The following ELP4 variants were observed in gnomAD, a reference collection of about 807,000 sequenced individuals.
ELP4 encodes the protein elongator complex protein 4.
Under a neutral mutation model 48.9 loss-of-function variants are expected in ELP4, and 51 were observed. The ratio of observed to expected loss-of-function variants is 1.04; its 90% CI spans 0.83 to 1.32. The LOEUF (loss-of-function observed/expected upper bound fraction) is 1.32. ELP4 is among the 40% of genes most tolerant of loss of function. The pLI is 0.00. For synonymous variants in ELP4, 210 were observed against 189.2 expected, an observed-to-expected ratio of 1.11 and a Z score of -0.90; for missense variants, 519 against 514.6, an observed-to-expected ratio of 1.01 and a Z score of -0.08.
intron 7 of ELP4, among the ~76,000 whole-genome samples, chr11:31,644,916 A>G (rs1945171139): frequency 6.6e-6 from 1 of 151,800 alleles, no homozygotes. Flanking sequence ...TCAGAAACTT[A>G]GATGTTATTC....
intron 9 of ELP4, chr11:31,714,951 T>C: frequency 2.5e-6 from 1 of 396,704 alleles, no homozygotes; most frequent in Non-Finnish European, 4.4e-6. Flanking sequence ...CTCTTTGCCA[T>C]GTAAGGTAAC....
intron 9 of ELP4, among the ~76,000 whole-genome samples, chr11:31,706,355 C>A (rs1004812492): frequency 2.0e-5 from 3 of 151,606 alleles, no homozygotes; most frequent in East Asian, 1.9e-4. Context: ...TAAGGCCAGA[C>A]ATGGTGGCTC....
chr11:31,522,065 CTTA>C (rs1020221873), intron 2 of ELP4, among the ~76,000 whole-genome samples: 4 of 152,046 alleles, frequency 2.6e-5, no homozygotes, highest in African/African-American at 7.2e-5. Flanking sequence ...TAAAATATGT[CTTA>C]TGAGATACTT....
chr11:31,713,789 A>C (rs1946787609), intron 9 of ELP4, among the ~76,000 whole-genome samples: 1 of 152,170 alleles, frequency 6.6e-6, no homozygotes, highest in Non-Finnish European at 1.5e-5. Flanking sequence ...AACATACACA[A>C]AAGTAGAGAA....
chr11:31,597,778 G>A (rs1957699217), intron 4 of ELP4, among the ~76,000 whole-genome samples: 1 of 151,848 alleles, frequency 6.6e-6, no homozygotes, highest in Non-Finnish European at 1.5e-5. Flanking sequence ...CATCATGTTG[G>A]CTGGTCTCGA....
chr11:31,718,266 G>A (rs560138900), intron 9 of ELP4, among the ~76,000 whole-genome samples: 1 of 152,316 alleles, frequency 6.6e-6, no homozygotes, highest in South Asian at 2.1e-4. Context: ...TTAACCATCT[G>A]AGGTGATATC....
intron 3 of ELP4, among the ~76,000 whole-genome samples, chr11:31,586,017 C>T (rs1957466211): frequency 6.6e-6 from 1 of 151,892 alleles, no homozygotes; most frequent in Non-Finnish European, 1.5e-5. Context: ...CCCAGGAGTT[C>T]AAGGAAAAAG....
At chr11:31,598,357 A>G (rs912955336) in intron 4 of ELP4, among the ~76,000 whole-genome samples, 2 of 152,054 alleles carry the variant, frequency 1.3e-5, no homozygotes, top group African/African-American at 4.8e-5. Context: ...AATCATAGAT[A>G]CTATCCTTGC....
intron 4 of ELP4, among the ~76,000 whole-genome samples, chr11:31,602,939 T>G (rs1957808502): frequency 6.6e-6 from 1 of 151,970 alleles, no homozygotes; most frequent in African/African-American, 2.4e-5. Flanking sequence ...TTCAATGTAT[T>G]GAATGAAAGA....
intron 5 of ELP4, among the ~76,000 whole-genome samples, chr11:31,615,914 G>A (rs1025145660): frequency 2.6e-5 from 4 of 152,014 alleles, no homozygotes; most frequent in African/African-American, 4.8e-5. Flanking sequence ...ACTTCATGGG[G>A]ATTGATCATA....
At chr11:31,737,887 C>A (rs1322845205) in intron 9 of ELP4, among the ~76,000 whole-genome samples, 1 of 151,960 alleles carries the variant, frequency 6.6e-6, no homozygotes, top group African/African-American at 2.4e-5. Flanking sequence ...GTGGAGGTTC[C>A]TCAAAAAATT....
chr11:31,533,635 G>T lies in ELP4; in HGVS notation c.260-6027G>T, dbSNP rs181815989. ...GATCTCCTGACCTCGTGATCCGCCC[G>T]CCTTGGCCTCCCAAAGTGCTGGGAT... is the stretch of plus-strand genomic sequence containing the variant. On this transcript the variant is annotated intron_variant, in intron 2 of 9. Transcript: ENST00000640961. 4.7e-4 allele frequency among the ~76,000 whole-genome samples: 71 copies of T among 151,438 alleles called. No individual in the cohort carries two copies. The East Asian group carries it at 0.012, about 26-fold the overall frequency.
intron 3 of ELP4, among the ~76,000 whole-genome samples, chr11:31,550,296 T>C (rs1441926364): frequency 6.6e-6 from 1 of 152,030 alleles, no homozygotes; most frequent in Admixed American, 6.6e-5. Flanking sequence ...AGAAAGAGAA[T>C]AGAGGAAAAA....
intron 3 of ELP4, among the ~76,000 whole-genome samples, chr11:31,545,185 C>T (rs1006834193): frequency 1.1e-4 from 16 of 152,164 alleles, no homozygotes; most frequent in Admixed American, 2.0e-4. Context: ...GATCAAACTA[C>T]GAGCTACAGG....
At chr11:31,558,957 A>G (rs1956973153) in intron 3 of ELP4, among the ~76,000 whole-genome samples, 1 of 152,216 alleles carries the variant, frequency 6.6e-6, no homozygotes, top group African/African-American at 2.4e-5. Flanking sequence ...AAGAAAAGAT[A>G]TTCAATCCTT....
intron 2 of ELP4, among the ~76,000 whole-genome samples, chr11:31,536,466 C>A (rs1291652837): frequency 6.6e-6 from 1 of 152,162 alleles, no homozygotes; most frequent in African/African-American, 2.4e-5. Context: ...ATTCTCCTGC[C>A]TCAGCCTCCT....
chr11:31,750,230 A>T (rs1274276799), intron 9 of ELP4, among the ~76,000 whole-genome samples: 1 of 152,072 alleles, frequency 6.6e-6, no homozygotes, highest in Non-Finnish European at 1.5e-5. Flanking sequence ...TATTCTTCCA[A>T]CTTTGTTGCT....
chr11:31,629,150 T>C (rs1162342893), intron 6 of ELP4, among the ~76,000 whole-genome samples: 1 of 152,012 alleles, frequency 6.6e-6, no homozygotes, highest in African/African-American at 2.4e-5. Context: ...ATTGCGGTCA[T>C]AATTTCATTT....
In ELP4 at chr11:31,546,578, A is replaced by T. The variant is rs569236908; in HGVS notation, c.381+6795A>T. ...ACTGTCAACATTAGACAGATCAACG[A>T]GACAGAAAGTCAACAAAGATACCCA... On this transcript the variant is annotated intron_variant, in intron 3 of 9. Coordinates refer to ENST00000640961, the MANE Select transcript of ELP4 (RefSeq NM_019040.5). 1.8e-4 allele frequency among the ~76,000 whole-genome samples: 27 copies of T among 152,324 alleles called. No homozygotes were observed. The East Asian group carries it at 4.6e-3, about 26-fold the overall frequency.
Sources: allele counts gnomAD v4.1 joint callset (sites outside exome capture counted in the v4.1 genomes callset), GRCh38; gene constraint gnomAD v4.1.1; transcripts MANE v1.5; gene names NCBI Gene and HGNC (gene_info 2026-07-23, HGNC 2026-07-21).